The following MRPL46 variants were observed in gnomAD, a reference collection of about 807,000 sequenced individuals.
MRPL46 encodes the protein large ribosomal subunit protein mL46.
A neutral mutation model predicts 31.0 loss-of-function variants in MRPL46; 26 were observed. The ratio of observed to expected loss-of-function variants is 0.84; its 90% CI spans 0.61 to 1.16. The LOEUF (loss-of-function observed/expected upper bound fraction) is 1.16. Ranked by LOEUF, MRPL46 falls within the 50% of genes most tolerant of loss-of-function variation. The probability of loss-of-function intolerance (pLI) is 0.00; values close to 1 mark genes in which losing one functional copy is unlikely to be tolerated. For synonymous variants in MRPL46, 159 were observed against 141.3 expected, an observed-to-expected ratio of 1.13 and a Z score of -0.89; for missense variants, 395 against 340.0, an observed-to-expected ratio of 1.16 and a Z score of -1.27.
At chr15:88,466,715 T>C (rs1180491476) in intron 1 of MRPL46, among the ~76,000 whole-genome samples, 1 of 152,222 alleles carries the variant, frequency 6.6e-6, no homozygotes, top group Non-Finnish European at 1.5e-5. Flanking sequence ...TACACTGTTT[T>C]TGCCCATGCT....
rs536183892 is a variant in MRPL46, at chr15:88,467,362, T to C, written c.16A>G (p.Arg6Gly). 5 of 1,581,484 alleles carry C rather than the reference T, an allele frequency of 3.2e-6. No homozygotes were observed. In the South Asian group the frequency reaches 3.4e-5, roughly 11 times the overall value. The change falls in exon 1 of 4, where the codon AGG becomes GGG. Residue 6 changes from arginine to glycine, a missense_variant. Physicochemically the swap from Arg to Gly is moderately radical, Grantham distance 125. Transcript: ENST00000312475. MAAPV[R>G]RTLLGVAGGW... ...CCCGCCACCCCTAACAGCGTCCGCC[T>C]TACGGGCGCCGCCATCTTTCGTTCT...
At chr15:88,465,102 A>G (rs2055511560) in intron 2 of MRPL46, 4 of 462,750 alleles carry the variant, frequency 8.6e-6, no homozygotes, top group South Asian at 4.9e-5. Context: ...TTCTTTGAAC[A>G]GCAAACCATA....
chr15:88,466,003 T>C (rs1037449204), intron 1 of MRPL46, among the ~76,000 whole-genome samples: 5 of 152,178 alleles, frequency 3.3e-5, no homozygotes, highest in Non-Finnish European at 1.5e-5. Flanking sequence ...ACAATGTCAC[T>C]GGGGGTCAAG....
rs199893975 is a variant in MRPL46 at position 88,459,591 on chromosome 15, C to T, written c.*22G>A. ...TCTAATCCCAGACTTGTCTGAGCAC[C>T]GTCCACAGGCAGCTCGGCCCATCAG... is the stretch of plus-strand genomic sequence containing the variant. On this transcript the variant is annotated 3_prime_UTR_variant, in exon 4 of 4. Transcript: ENST00000312475. 15 of 1,612,880 alleles carry T rather than the reference C, an allele frequency of 9.3e-6. No individual in the cohort carries two copies. The highest frequency in any genetic ancestry group is 3.3e-5 in the Admixed American group (2 of 59,992).
intron 3 of MRPL46, chr15:88,462,835 T>C (rs1210998638): frequency 6.6e-6 from 1 of 152,232 alleles, no homozygotes; most frequent in Admixed American, 6.5e-5. Context: ...TATTTGTCAG[T>C]TTAGTAAATT....
intron 1 of MRPL46, 46 bp downstream of exon 1, chr15:88,467,104 G>A (rs1459400247): frequency 1.3e-6 from 2 of 1,592,132 alleles, no homozygotes; most frequent in Admixed American, 1.7e-5. Context: ...CTCGCTCAAA[G>A]TCACGCAGAA....
rs775654947 is a variant in MRPL46 at position 88,467,359 on chromosome 15, G to T, written c.19C>A (p.Arg7=). The part of the protein sequence containing the change: MAAPVR[R]TLLGVAGGWR... ...CCCCCCGCCACCCCTAACAGCGTCC[G>T]CCTTACGGGCGCCGCCATCTTTCGT... The change falls in exon 1 of 4, where the codon CGG becomes AGG. Residue 7 remains arginine, a synonymous_variant. Transcript: ENST00000312475. 2 of 1,582,786 alleles carry T rather than the reference G, an allele frequency of 1.3e-6. No individual in the cohort carries two copies. Among genetic ancestry groups the T allele is most frequent in the South Asian group, 2.3e-5 (2 of 87,904 alleles).
intron 3 of MRPL46, chr15:88,462,473 T>C (rs573800035): frequency 9.2e-5 from 14 of 152,304 alleles, no homozygotes; most frequent in East Asian, 3.9e-4. Context: ...ATACTGAATC[T>C]CACTAGCAAA....
intron 3 of MRPL46, chr15:88,460,153 C>A: frequency 2.6e-6 from 1 of 380,792 alleles, no homozygotes; most frequent in Non-Finnish European, 4.7e-6. Context: ...GTCAGAGCAC[C>A]TAGTTCCTAC....
intron 2 of MRPL46, 136 bp from the exon 3 acceptor site, chr15:88,465,012 ATCTC>A: frequency 1.1e-6 from 1 of 940,928 alleles, no homozygotes; most frequent in Non-Finnish European, 1.6e-6. Flanking sequence ...ACCTCGACCC[ATCTC>A]TCTAACTCTG....
In MRPL46 at chr15:88,467,373, G is replaced by A. The variant is rs1303628389; in HGVS notation, c.5C>T (p.Ala2Val). Reference sequence around the variant, plus strand: ...TAACAGCGTCCGCCTTACGGGCGCCGCCATCTTTCGTTCTCCCACAATGCA... The same window carrying A: ...TAACAGCGTCCGCCTTACGGGCGCCACCATCTTTCGTTCTCCCACAATGCA... M[A>V]APVRRTLLGV... The change falls in exon 1 of 4, where the codon GCG (alanine) becomes GTG (valine). Residue 2 changes from alanine to valine, a missense_variant. Transcript: ENST00000312475. The A allele has an allele frequency of 2.6e-6, 4 of 1,567,620 alleles. No homozygotes were observed. In the African/African-American group the frequency reaches 4.1e-5, roughly 16 times the overall value.
intron 3 of MRPL46, chr15:88,461,653 A>T (rs866295536): frequency 1.3e-5 from 2 of 152,260 alleles, no homozygotes; most frequent in Non-Finnish European, 2.9e-5. Context: ...GTTATAAATT[A>T]GTATAAGTGC....
Position 88,459,806 on chromosome 15 carries a change from T to C in MRPL46, c.647A>G (p.Lys216Arg), listed in dbSNP as rs766741187. 3.7e-5 allele frequency: 59 copies of C among 1,614,226 alleles called. No individual in the cohort carries two copies. The Middle Eastern group carries it at 6.6e-4, about 18-fold the overall frequency. Residue 216 changes from lysine to arginine, a missense_variant, in exon 4 of 4, where the codon AAG becomes AGG. Lys to Arg is a conservative substitution (Grantham distance 26, BLOSUM62 2). Transcript: ENST00000312475. ...GNAPCGHYTFKFPQAMRTESN... is the reference protein window; with the variant it reads ...GNAPCGHYTFRFPQAMRTESN... ...CTCTGTCCGCATTGCCTGGGGGAAC[T>C]TGAATGTGTAGTGCCCACAGGGTGC...
chr15:88,465,272 G>C, intron 2 of MRPL46: 1 of 426,876 alleles, frequency 2.3e-6, no homozygotes, highest in Non-Finnish European at 4.1e-6. Context: ...CGCTTTAAGA[G>C]GGATTTCACA....
At chr15:88,465,811 G>A (rs1179417990) in intron 1 of MRPL46, 38 bp from the exon 2 acceptor site, 4 of 1,507,958 alleles carry the variant, frequency 2.7e-6, no homozygotes, top group Non-Finnish European at 3.5e-6. Flanking sequence ...ACCTTAATCT[G>A]GCAAAATTAA....
rs146290179 is a variant in MRPL46 at position 88,459,657 on chromosome 15, G to T, written c.796C>A (p.Pro266Thr). The T allele has an allele frequency of 4.5e-5, 73 of 1,614,062 alleles. No homozygotes were observed. The African/African-American group carries it at 7.9e-4, about 17-fold the overall frequency. Reference sequence around the variant, plus strand: ...CTCCTAACTTGGGCCAGGTATTTTGGTTTCAAATAGTCACCCAGCTCATCC... The same window carrying T: ...CTCCTAACTTGGGCCAGGTATTTTGTTTTCAAATAGTCACCCAGCTCATCC... ...TKDELGDYLK[P>T]KYLAQVRRFV... The change falls in exon 4 of 4, where the codon CCA (proline) becomes ACA (threonine). Residue 266 changes from proline (P) to threonine (T), a missense_variant. By Grantham distance (38) the Pro-to-Thr change is conservative. Coordinates refer to ENST00000312475, the MANE Select transcript of MRPL46 (RefSeq NM_022163.4).
chr15:88,463,579 C>T lies in MRPL46; in HGVS notation c.589+1124G>A, dbSNP rs1226765694. 6.6e-6 allele frequency: 1 copy of T among 152,156 alleles called. No individual in the cohort carries two copies. The highest frequency in any genetic ancestry group is 1.9e-4 in the East Asian group (1 of 5,198). 9.4% of individuals were successfully genotyped at this position (152,156 alleles called of 1,614,324 possible). A position where few individuals can be genotyped will look rare whatever the true frequency, so the allele number is the denominator to read the frequency against. ...GGACACACACCAGTGCTACGGGAGC[C>T]TAGAGAGAGGAGTAGCTCTGTCTTC... On this transcript the variant is annotated intron_variant, in intron 3 of 3. Coordinates refer to ENST00000312475, the MANE Select transcript of MRPL46 (RefSeq NM_022163.4). The surrounding 1 kb of genome is among the most constrained non-coding windows in gnomAD (Gnocchi z 5.4).
At chr15:88,466,197 T>A (rs1258888570) in intron 1 of MRPL46, among the ~76,000 whole-genome samples, 1 of 152,262 alleles carries the variant, frequency 6.6e-6, no homozygotes, top group Non-Finnish European at 1.5e-5. Context: ...GTCCTACTCA[T>A]CTTTCTGATT....
chr15:88,466,286 T>C (rs902512825), intron 1 of MRPL46, among the ~76,000 whole-genome samples: 1 of 152,248 alleles, frequency 6.6e-6, no homozygotes, highest in Non-Finnish European at 1.5e-5. Flanking sequence ...GAGGCATTCC[T>C]TGACACTCAC....
Sources: gnomAD v4.1 joint callset for allele counts (sites outside exome capture counted in the v4.1 genomes callset) on GRCh38, gnomAD v4.1.1 for gene constraint, Gnocchi (gnomAD v3.1) non-coding constraint, MANE v1.5 for transcripts, NCBI Gene and HGNC (gene_info 2026-07-23, HGNC 2026-07-21) for gene names.